The following CDH11 variants were observed in gnomAD, a reference collection of about 807,000 sequenced individuals.
CDH11 encodes the protein cadherin-11.
In CDH11, 11 loss-of-function variants were observed where a neutral mutation model predicts 67.8. The observed-to-expected ratio is 0.16, with a 90% confidence interval of 0.10 to 0.27. The LOEUF (loss-of-function observed/expected upper bound fraction) is 0.27, where lower values mean the gene tolerates loss of function less well. Among genes scored for constraint, CDH11 ranks in the 10% least tolerant of loss-of-function variants. The probability of loss-of-function intolerance (pLI) is 1.00; values close to 1 mark genes in which losing one functional copy is unlikely to be tolerated. For synonymous variants in CDH11, 419 were observed against 400.0 expected (o/e 1.05, Z -0.57); for missense variants, 847 against 1,031.2 (o/e 0.82, Z 2.45).
At chr16:64,988,057 A>T in intron 7 of CDH11, 100 bp downstream of exon 7, 1 of 976,416 alleles carries the variant, frequency 1.0e-6, no homozygotes, top group Non-Finnish European at 1.5e-6. Flanking sequence ...CTGGTTTCGC[A>T]AATTCTCATT....
intron 2 of CDH11, among the ~76,000 whole-genome samples, chr16:65,020,781 C>T (rs540696102): frequency 6.6e-6 from 1 of 151,982 alleles, no homozygotes; most frequent in Admixed American, 6.6e-5. Flanking sequence ...ATAAATAACA[C>T]ACACAACAAA....
intron 2 of CDH11, among the ~76,000 whole-genome samples, chr16:65,053,106 A>G (rs566867229): frequency 6.6e-6 from 1 of 152,352 alleles, no homozygotes; most frequent in Admixed American, 6.5e-5. Flanking sequence ...AAGAGTGGAA[A>G]GTCACACTGG....
At chr16:64,991,076 C>T (rs1331559346) in intron 6 of CDH11, among the ~76,000 whole-genome samples, 2 of 152,148 alleles carry the variant, frequency 1.3e-5, no homozygotes, top group Non-Finnish European at 2.9e-5. Flanking sequence ...TGGCTTATGA[C>T]TCCAGTTTCC....
chr16:65,061,015 A>G (rs1275427312), intron 1 of CDH11, among the ~76,000 whole-genome samples: 2 of 152,210 alleles, frequency 1.3e-5, no homozygotes, highest in Admixed American at 6.5e-5. Flanking sequence ...CTCTTCTTCC[A>G]TTTACTGTTA....
chr16:64,990,379 C>T (rs2072598480), intron 6 of CDH11, among the ~76,000 whole-genome samples: 1 of 152,284 alleles, frequency 6.6e-6, no homozygotes, highest in South Asian at 2.1e-4. Flanking sequence ...ACCACAGTGC[C>T]TTCCTGGGGC....
chr16:65,040,752 G>A (rs2073852960), intron 2 of CDH11, among the ~76,000 whole-genome samples: 2 of 152,184 alleles, frequency 1.3e-5, no homozygotes, highest in African/African-American at 4.8e-5. Context: ...TAGAGTGCTT[G>A]AAAATAATGG....
chr16:64,977,308 A>G (rs577989101), intron 8 of CDH11, among the ~76,000 whole-genome samples: 1 of 152,352 alleles, frequency 6.6e-6, no homozygotes, highest in East Asian at 1.9e-4. Flanking sequence ...TGTGGTATTG[A>G]GCATCCTTGG....
intron 1 of CDH11, among the ~76,000 whole-genome samples, chr16:65,115,174 G>A (rs1391630197): frequency 1.3e-5 from 2 of 152,060 alleles, no homozygotes; most frequent in African/African-American, 4.8e-5. Flanking sequence ...CAACCCATAC[G>A]CAGAACGAAC....
intron 1 of CDH11, among the ~76,000 whole-genome samples, chr16:65,078,851 C>A (rs1161251389): frequency 6.6e-6 from 1 of 152,158 alleles, no homozygotes; most frequent in African/African-American, 2.4e-5. Context: ...GGCAGAATGT[C>A]AACCAGAACC....
chr16:64,946,053 A>C lies in CDH11; in HGVS notation c.*1550T>G. On this transcript the variant is annotated 3_prime_UTR_variant, in exon 13 of 13. Coordinates refer to ENST00000268603, the MANE Select transcript of CDH11 (RefSeq NM_001797.4). Reference sequence around the variant, plus strand: ...CTAGCTGGAATGCAGGGGACTGTAGACACACTCCTGGACCAAATGGCATCG... The same window carrying C: ...CTAGCTGGAATGCAGGGGACTGTAGCCACACTCCTGGACCAAATGGCATCG... 1 of 1,059,190 alleles carries C rather than the reference A, an allele frequency of 9.4e-7. No individual in the cohort carries two copies. The highest frequency in any genetic ancestry group is 1.1e-6 in the Non-Finnish European group (1 of 875,504). The allele number at this position is 1,059,190 out of a possible 1,614,324, so 65.6% of individuals were successfully genotyped here. A position where few individuals can be genotyped will look rare whatever the true frequency, so the allele number is the denominator to read the frequency against.
Position 64,946,855 on chromosome 16 carries a change from C to G in CDH11, c.*748G>C, listed in dbSNP as rs2071207437. On this transcript the variant is annotated 3_prime_UTR_variant, in exon 13 of 13. Transcript: ENST00000268603. ...CATATTAAAGCAACAGTACAATGTT[C>G]ATAAAATATAAGTGTGATGCCGTAA... 5 of 849,720 alleles carry G rather than the reference C, an allele frequency of 5.9e-6. No individual in the cohort carries two copies. Among genetic ancestry groups the G allele is most frequent in the Non-Finnish European group, 7.2e-6 (5 of 695,360 alleles). The allele number at this position is 849,720 out of a possible 1,614,324, so 52.6% of individuals were successfully genotyped here.
intron 2 of CDH11, among the ~76,000 whole-genome samples, chr16:65,043,739 T>C (rs1165618248): frequency 6.6e-6 from 1 of 152,220 alleles, no homozygotes; most frequent in Non-Finnish European, 1.5e-5. Flanking sequence ...TTACTGTTCT[T>C]GATGCTTCCA....
At chr16:65,069,781 C>G (rs2074384041) in intron 1 of CDH11, among the ~76,000 whole-genome samples, 2 of 152,152 alleles carry the variant, frequency 1.3e-5, no homozygotes, top group Non-Finnish European at 2.9e-5. Context: ...TCCCATAGCA[C>G]AAACCTTAGA....
rs1395397312 is a variant in CDH11 at position 65,043,345 on chromosome 16, GGATGTT to G, written c.-173+10453_-173+10458del. Among the ~76,000 whole-genome samples, 374 of 152,252 alleles carry G rather than the reference GGATGTT, an allele frequency of 2.5e-3. 3 individuals are homozygous for G. Among genetic ancestry groups the G allele is most frequent in the African/African-American group, 8.3e-3 (345 of 41,538 alleles). ...GACTCTGAGATGGAGTTTAGCATGG[GGATGTT>G]TACTAGGGGGTACCCTTTGGAATAA... On this transcript the variant is annotated intron_variant, in intron 2 of 12. Transcript: ENST00000268603.
intron 6 of CDH11, among the ~76,000 whole-genome samples, chr16:64,988,922 A>C (rs2072561487): frequency 6.6e-6 from 1 of 152,110 alleles, no homozygotes; most frequent in African/African-American, 2.4e-5. Flanking sequence ...TACCTTCTCC[A>C]GAAGGCTTTC....
intron 11 of CDH11, among the ~76,000 whole-genome samples, chr16:64,957,592 A>G (rs1376282919): frequency 1.6e-5 from 2 of 127,072 alleles, no homozygotes; most frequent in Non-Finnish European, 3.2e-5. Context: ...GTGCCCACAC[A>G]TGCCCGTGCA....
At chr16:64,967,891 C>A (rs2071886222) in intron 11 of CDH11, among the ~76,000 whole-genome samples, 1 of 152,094 alleles carries the variant, frequency 6.6e-6, no homozygotes, top group Admixed American at 6.5e-5. Context: ...TATTTTACTA[C>A]AATTATTATG....
In CDH11 at chr16:65,031,514, G is replaced by A. The variant is rs1023874485; in HGVS notation, c.-173+22290C>T. The stretch of plus-strand genomic sequence containing the variant: ...CAGTAGGTATGAGTTTAGTCTTGTA[G>A]TATATACATAAGTCAAATGCTCAAG... On this transcript the variant is annotated intron_variant, in intron 2 of 12. Transcript: ENST00000268603. Among the ~76,000 whole-genome samples the A allele has an allele frequency of 5.9e-5, 9 of 152,296 alleles. No individual in the cohort carries two copies. In the East Asian group the frequency reaches 1.7e-3, roughly 29 times the overall value.
At chr16:65,119,338 C>T (rs1015779105) in intron 1 of CDH11, among the ~76,000 whole-genome samples, 3 of 151,998 alleles carry the variant, frequency 2.0e-5, no homozygotes, top group Non-Finnish European at 2.9e-5. Flanking sequence ...ACAGAGGGAA[C>T]ATGAGTTCTA....
Sources: gnomAD v4.1 joint callset for allele counts (sites outside exome capture counted in the v4.1 genomes callset) on GRCh38, gnomAD v4.1.1 for gene constraint, MANE v1.5 for transcripts, NCBI Gene and HGNC (gene_info 2026-07-23, HGNC 2026-07-21) for gene names.